The following PLGRKT variants were observed in gnomAD, a reference collection of about 807,000 sequenced individuals.
PLGRKT encodes plasminogen receptor (KT).
A neutral mutation model predicts 18.5 loss-of-function variants in PLGRKT; 22 were observed. The observed-to-expected ratio is 1.19, with a 90% CI of 0.85 to 1.70. The LOEUF is 1.70. PLGRKT is among the 40% of genes most tolerant of loss of function. The pLI is 0.00. For synonymous variants in PLGRKT, 72 were observed against 52.8 expected (o/e 1.36, Z -1.58); for missense variants, 235 against 174.4 (o/e 1.35, Z -1.96).
At chr9:5,401,930 A>G (rs1172151750) in intron 3 of PLGRKT, among the ~76,000 whole-genome samples, 2 of 151,916 alleles carry the variant, frequency 1.3e-5, no homozygotes, top group African/African-American at 2.4e-5. Context: ...TTTGGTCAAC[A>G]GACACTTGTC....
chr9:5,432,035 T>C, intron 2 of PLGRKT, 52 bp from the exon 3 acceptor site: 1 of 789,708 alleles, frequency 1.3e-6, no homozygotes, highest in South Asian at 1.4e-5. Context: ...ACATGCATTC[T>C]TGTATGCTCC....
intron 3 of PLGRKT, among the ~76,000 whole-genome samples, chr9:5,411,111 C>A (rs368041096): frequency 6.6e-6 from 1 of 151,982 alleles, no homozygotes; most frequent in Non-Finnish European, 1.5e-5. Flanking sequence ...AGGCCAGTTG[C>A]GGTGACTCAC....
chr9:5,403,173 C>A (rs1818187685), intron 3 of PLGRKT, among the ~76,000 whole-genome samples: 1 of 150,668 alleles, frequency 6.6e-6, no homozygotes, highest in African/African-American at 2.5e-5. Context: ...ATACTAGGTG[C>A]TTTGTTATAC....
At chr9:5,432,866 C>T (rs1033721218) in intron 2 of PLGRKT, among the ~76,000 whole-genome samples, 10 of 152,214 alleles carry the variant, frequency 6.6e-5, no homozygotes, top group Non-Finnish European at 1.3e-4. Flanking sequence ...CTCCCAGCCG[C>T]CTGCCTTGGC....
At chr9:5,406,628 G>C (rs566026677) in intron 3 of PLGRKT, among the ~76,000 whole-genome samples, 2 of 152,082 alleles carry the variant, frequency 1.3e-5, no homozygotes, top group Non-Finnish European at 2.9e-5. Flanking sequence ...GCCAGGGGGA[G>C]AACATTAGGG....
rs754770286 is a variant in PLGRKT at position 5,431,918 on chromosome 9, C to T, written c.60G>A (p.Met20Ile). ...NESMKNQKEF[M>I]LMNARLQLER... is the part of the protein sequence containing the mutation. The stretch of plus-strand genomic sequence containing the variant: ...ATACCTGAAGTCGAGCATTCATAAG[C>T]ATGAACTCCTTTTGATTTTTCATGC... Residue 20 changes from methionine (M) to isoleucine (I), a missense_variant, in exon 3 of 6, where the codon ATG (methionine) becomes ATA (isoleucine). Transcript: ENST00000223864. The T allele has an allele frequency of 3.6e-5, 55 of 1,529,664 alleles. No homozygotes were observed. Among genetic ancestry groups the T allele is most frequent in the Non-Finnish European group, 4.3e-5 (47 of 1,104,480 alleles). 94.8% of individuals were successfully genotyped at this position (1,529,664 alleles called of 1,614,324 possible).
chr9:5,362,687 G>C (rs1333265454), intron 3 of PLGRKT, among the ~76,000 whole-genome samples: 1 of 152,166 alleles, frequency 6.6e-6, no homozygotes, highest in Non-Finnish European at 1.5e-5. Flanking sequence ...GCAAGGAAGA[G>C]GAGAGGAAGG....
intron 3 of PLGRKT, among the ~76,000 whole-genome samples, chr9:5,395,820 A>G (rs1401831117): frequency 6.8e-6 from 1 of 148,002 alleles, no homozygotes; most frequent in Non-Finnish European, 1.5e-5. Context: ...ACAAAAAAAA[A>G]GGTGGATTTT....
chr9:5,434,677 C>A (rs1428603530), intron 2 of PLGRKT, among the ~76,000 whole-genome samples: 3 of 150,706 alleles, frequency 2.0e-5, no homozygotes, highest in Non-Finnish European at 4.4e-5. Flanking sequence ...CGGCCGCCAC[C>A]CCGTCTGGGA....
intron 3 of PLGRKT, among the ~76,000 whole-genome samples, chr9:5,408,693 A>G (rs1442669964): frequency 6.6e-6 from 1 of 152,238 alleles, no homozygotes; most frequent in Non-Finnish European, 1.5e-5. Context: ...CTAATAGTCA[A>G]GACAATAAAG....
chr9:5,413,849 T>C (rs1345939342), intron 3 of PLGRKT, among the ~76,000 whole-genome samples: 1 of 152,250 alleles, frequency 6.6e-6, no homozygotes, highest in African/African-American at 2.4e-5. Flanking sequence ...TAAAATTCTA[T>C]GCAACCATTT....
chr9:5,398,685 T>C (rs565084722), intron 3 of PLGRKT, among the ~76,000 whole-genome samples: 4 of 151,940 alleles, frequency 2.6e-5, no homozygotes, highest in East Asian at 1.9e-4. Context: ...GAAGTCCATA[T>C]CTGAGATACC....
At chr9:5,424,998 G>A (rs1217315868) in intron 3 of PLGRKT, among the ~76,000 whole-genome samples, 1 of 151,902 alleles carries the variant, frequency 6.6e-6, no homozygotes, top group Non-Finnish European at 1.5e-5. Context: ...CAGATATAAA[G>A]GTCAAAGTCT....
chr9:5,413,062 C>T (rs1171270511), intron 3 of PLGRKT, among the ~76,000 whole-genome samples: 1 of 152,082 alleles, frequency 6.6e-6, no homozygotes, highest in East Asian at 1.9e-4. Context: ...GTCAGGCTAG[C>T]AAAAACTAAA....
In PLGRKT at chr9:5,359,747, A is replaced by C. The variant is rs1817222080; in HGVS notation, c.322+1331T>G. ...AAATTCCCACAAAAATTTCCTATTA[A>C]ATTTCTGTGCCAGCTGGGTCAAATT... On this transcript the variant is annotated intron_variant, in intron 5 of 5. Transcript: ENST00000223864. Among the ~76,000 whole-genome samples, 5 of 152,346 alleles carry C rather than the reference A, an allele frequency of 3.3e-5. No homozygotes were observed. The South Asian group carries it at 1.0e-3, about 32-fold the overall frequency.
intron 3 of PLGRKT, among the ~76,000 whole-genome samples, chr9:5,386,105 TG>T (rs1817837949): frequency 6.6e-6 from 1 of 151,922 alleles, no homozygotes; most frequent in Admixed American, 6.6e-5. Context: ...GCGAATGCAC[TG>T]GATGTTACCA....
intron 3 of PLGRKT, among the ~76,000 whole-genome samples, chr9:5,408,034 G>C (rs1563783052): frequency 6.6e-6 from 1 of 152,182 alleles, no homozygotes; most frequent in Non-Finnish European, 1.5e-5. Context: ...GCCCACCAAA[G>C]ACATGTAGAA....
At chr9:5,423,012 C>G (rs1023578628) in intron 3 of PLGRKT, among the ~76,000 whole-genome samples, 1 of 152,154 alleles carries the variant, frequency 6.6e-6, no homozygotes, top group African/African-American at 2.4e-5. Flanking sequence ...TTTTTATCAT[C>G]ATGCATATAT....
At chr9:5,426,460 G>A (rs947441648) in intron 3 of PLGRKT, among the ~76,000 whole-genome samples, 1 of 152,100 alleles carries the variant, frequency 6.6e-6, no homozygotes, top group African/African-American at 2.4e-5. Flanking sequence ...AGATGAGGAT[G>A]TTTCTCTCTA....
Sources: allele counts gnomAD v4.1 joint callset (sites outside exome capture counted in the v4.1 genomes callset), GRCh38; gene constraint gnomAD v4.1.1; transcripts MANE v1.5; gene names NCBI Gene and HGNC (gene_info 2026-07-23, HGNC 2026-07-21).